HYCC2: variants seen among roughly 807,000 people sequenced by gnomAD.
HYCC2 encodes the protein hyccin 2.
the HYCC2 span, among the ~76,000 whole-genome samples, chr2:201,027,966 C>A: frequency 6.6e-6 from 1 of 152,054 alleles, no homozygotes; most frequent in Non-Finnish European, 1.5e-5. Context: ...CTGGCCAGGG[C>A]AATCAGGCAA....
the HYCC2 span, among the ~76,000 whole-genome samples, chr2:201,027,757 T>G: frequency 6.6e-6 from 1 of 152,118 alleles, no homozygotes; most frequent in Non-Finnish European, 1.5e-5. Context: ...TCTGACAAAA[T>G]TCAACAACCC....
the HYCC2 span, among the ~76,000 whole-genome samples, chr2:201,013,251 C>G: frequency 8.5e-5 from 13 of 152,172 alleles, no homozygotes; most frequent in African/African-American, 3.1e-4. Context: ...GGCAGTATCA[C>G]TTGAGGTCAG....
the HYCC2 span, among the ~76,000 whole-genome samples, chr2:201,066,061 C>T: frequency 6.6e-6 from 1 of 151,700 alleles, no homozygotes; most frequent in African/African-American, 2.4e-5. Flanking sequence ...TTATAAAAGC[C>T]CTTCATGTTT....
chr2:200,990,069 T>A, the HYCC2 span, among the ~76,000 whole-genome samples: 1 of 152,192 alleles, frequency 6.6e-6, no homozygotes, highest in African/African-American at 2.4e-5. Flanking sequence ...CACTTCCCTT[T>A]AATATAAAAC....
At chr2:200,996,189 C>A in the HYCC2 span, 1 of 152,174 alleles carries the variant, frequency 6.6e-6, no homozygotes, top group Admixed American at 6.6e-5. Flanking sequence ...CGCTACCACC[C>A]AGCTAATTTT....
At chr2:201,068,295 G>T in the HYCC2 span, among the ~76,000 whole-genome samples, 5 of 144,040 alleles carry the variant, frequency 3.5e-5, no homozygotes, top group Non-Finnish European at 6.1e-5. Context: ...CTCAAAAAAA[G>T]AAAAAAAAAA....
chr2:201,034,555 T>A, the HYCC2 span, among the ~76,000 whole-genome samples: 1 of 152,174 alleles, frequency 6.6e-6, no homozygotes, highest in Non-Finnish European at 1.5e-5. Flanking sequence ...CTTGACTCTT[T>A]ATCCAATTTG....
At chr2:200,992,204 G>C in the HYCC2 span, 14 of 900,432 alleles carry the variant, frequency 1.6e-5, no homozygotes, top group Non-Finnish European at 2.3e-5. Context: ...CTAATTATTT[G>C]GATTGTCTTA....
chr2:201,001,573 C>T, the HYCC2 span, among the ~76,000 whole-genome samples: 1 of 152,142 alleles, frequency 6.6e-6, no homozygotes, highest in Non-Finnish European at 1.5e-5. Context: ...GTGAAAGAAG[C>T]CATACACAAA....
the HYCC2 span, among the ~76,000 whole-genome samples, chr2:201,055,448 C>T: frequency 6.6e-6 from 1 of 151,538 alleles, no homozygotes; most frequent in African/African-American, 2.4e-5. Flanking sequence ...CCTGTAATCC[C>T]AGCACTTTGG....
At chr2:201,006,034 A>C in the HYCC2 span, among the ~76,000 whole-genome samples, 10 of 150,864 alleles carry the variant, frequency 6.6e-5, no homozygotes, top group Non-Finnish European at 1.3e-4. Flanking sequence ...GAGTTTCACC[A>C]TGTTGGCCAG....
At chr2:201,047,744 C>T in the HYCC2 span, among the ~76,000 whole-genome samples, 5 of 150,728 alleles carry the variant, frequency 3.3e-5, no homozygotes, top group Non-Finnish European at 5.9e-5. Context: ...AACAGTAAGA[C>T]TCACAAATTT....
chr2:201,071,357 C>CA, the HYCC2 span: 1 of 152,692 alleles, frequency 6.5e-6, no homozygotes, highest in African/African-American at 2.4e-5. Context: ...CCGCAGCCCC[C>CA]ACGCCCTAGG....
At chr2:201,008,909 A>G in the HYCC2 span, 1 of 977,388 alleles carries the variant, frequency 1.0e-6, no homozygotes, top group South Asian at 1.3e-5. Flanking sequence ...TCATTCATTC[A>G]TTCATATATA....
chr2:200,981,238 G>C, the HYCC2 span: 1 of 1,599,588 alleles, frequency 6.3e-7, no homozygotes, highest in Non-Finnish European at 8.5e-7. The surrounding 1 kb of genome is among the most constrained non-coding windows in gnomAD (Gnocchi z 4.5). Flanking sequence ...CAGTTTAAAA[G>C]GTAAGCAGAA....
At chr2:201,062,269 G>T in the HYCC2 span, among the ~76,000 whole-genome samples, 648 of 151,504 alleles carry the variant, frequency 4.3e-3, 4 homozygotes, top group Non-Finnish European at 6.3e-3. Context: ...CTGTAATCCT[G>T]GCACTTTGGG....
At chr2:201,005,910 G>A in the HYCC2 span, among the ~76,000 whole-genome samples, 2 of 152,092 alleles carry the variant, frequency 1.3e-5, no homozygotes, top group Non-Finnish European at 2.9e-5. Context: ...TTGGCTCACT[G>A]CAACCTCCGC....
chr2:201,031,656 C>A, the HYCC2 span, among the ~76,000 whole-genome samples: 2 of 152,036 alleles, frequency 1.3e-5, no homozygotes, highest in Admixed American at 6.6e-5. Flanking sequence ...TCTCAAAAAA[C>A]AAACAAACAA....
At chr2:201,069,729 G>A in the HYCC2 span, among the ~76,000 whole-genome samples, 5 of 151,946 alleles carry the variant, frequency 3.3e-5, no homozygotes, top group African/African-American at 1.2e-4. Flanking sequence ...AAGGAGAAAA[G>A]ACAAAGAACA....
Sources: allele counts gnomAD v4.1 joint callset (sites outside exome capture counted in the v4.1 genomes callset), GRCh38; gene constraint gnomAD v4.1.1; non-coding constraint Gnocchi (gnomAD v3.1); transcripts MANE v1.5; gene names NCBI Gene and HGNC (gene_info 2026-07-23, HGNC 2026-07-21).